The following NFIA variants were observed in gnomAD, a reference collection of about 807,000 sequenced individuals.
NFIA encodes the protein nuclear factor I A.
NFIA carries 8 observed loss-of-function variants against 62.8 expected under a neutral mutation model. The observed-to-expected ratio is 0.13, with a 90% CI of 0.07 to 0.23. The LOEUF is 0.23. Among genes scored for constraint, NFIA ranks in the 10% least tolerant of loss-of-function variants. The pLI is 1.00. For synonymous variants in NFIA, 235 were observed against 238.1 expected, an observed-to-expected ratio of 0.99 and a Z score of 0.12; for missense variants, 410 against 642.1, an observed-to-expected ratio of 0.64 and a Z score of 3.91.
At chr1:61,396,236 GT>G (rs1367521387) in intron 7 of NFIA, among the ~76,000 whole-genome samples, 2 of 152,032 alleles carry the variant, frequency 1.3e-5, no homozygotes, top group Non-Finnish European at 2.9e-5. Flanking sequence ...TTTTGTTACT[GT>G]TTTTTTGTTT....
In NFIA at chr1:61,186,288, C is replaced by CTCACTATCTCA. The variant is rs112297509; in HGVS notation, c.560-91230_560-91229insACTATCTCATC. On this transcript the variant is annotated intron_variant, in intron 2 of 10. Transcript: ENST00000403491. ...CGCAGGTGGTTCAGCCACTCAGAAC[C>CTCACTATCTCA]TCTGTAAAAGTGAGATGTAAAAACA... Among the ~76,000 whole-genome samples, 24 of 152,122 alleles carry CTCACTATCTCA rather than the reference C, an allele frequency of 1.6e-4. 3 individuals are homozygous for CTCACTATCTCA. In the East Asian group the frequency reaches 4.3e-3, roughly 27 times the overall value.
chr1:61,306,269 C>CTTTTTTTTTTTTTTTTTTTTTTTT lies in NFIA; in HGVS notation c.626-26241_626-26218dup, dbSNP rs774297484. 3.3e-5 allele frequency among the ~76,000 whole-genome samples: 2 copies of CTTTTTTTTTTTTTTTTTTTTTTTT among 60,614 alleles called. 1 individual carries two copies. Among genetic ancestry groups the CTTTTTTTTTTTTTTTTTTTTTTTT allele is most frequent in the African/African-American group, 1.5e-4 (2 of 12,930 alleles). 39.8% of individuals were successfully genotyped at this position (60,614 alleles called of 152,430 possible). On this transcript the variant is annotated intron_variant, in intron 3 of 10. Transcript: ENST00000403491. ...TCATCCTGGAGACCCAGATTTTGTTCTTTTTTTTTTTTTTTTTTTTTTTTT... is the reference window on the plus strand; with the variant it reads ...TCATCCTGGAGACCCAGATTTTGTTCTTTTTTTTTTTTTTTTTTTTTTTTTTTTTTTTTTTTTTTTTTTTTTTTT...
intron 2 of NFIA, among the ~76,000 whole-genome samples, chr1:61,112,302 CT>C (rs2100455064): frequency 6.6e-6 from 1 of 152,122 alleles, no homozygotes; most frequent in South Asian, 2.1e-4. Context: ...ACACACAACA[CT>C]TTGGTTCCTA....
chr1:61,147,162 T>G (rs1317621861), intron 2 of NFIA, among the ~76,000 whole-genome samples: 2 of 152,140 alleles, frequency 1.3e-5, no homozygotes, highest in Non-Finnish European at 2.9e-5. Context: ...AATCTTTTTT[T>G]TTTTTTGAGA....
At chr1:61,300,287 ATCT>A (rs1267202575) in intron 3 of NFIA, among the ~76,000 whole-genome samples, 1 of 152,116 alleles carries the variant, frequency 6.6e-6, no homozygotes, top group Non-Finnish European at 1.5e-5. Context: ...TACCTGACAG[ATCT>A]TCTAAGTATA....
At chr1:61,441,331 G>GTCTGTCTGTC (rs3076171) in intron 10 of NFIA, among the ~76,000 whole-genome samples, 3 of 142,346 alleles carry the variant, frequency 2.1e-5, no homozygotes, top group African/African-American at 8.2e-5. Flanking sequence ...GTGTGTGTGT[G>GTCTGTCTGTC]TGTCTGTCTG....
At chr1:61,312,488 A>C (rs1243642785) in intron 3 of NFIA, among the ~76,000 whole-genome samples, 5 of 151,698 alleles carry the variant, frequency 3.3e-5, no homozygotes. Flanking sequence ...CAATGTTGTG[A>C]CTTGGAAAAA....
intron 2 of NFIA, among the ~76,000 whole-genome samples, chr1:61,246,716 CTT>C (rs1655672208): frequency 1.3e-5 from 2 of 152,134 alleles, no homozygotes; most frequent in African/African-American, 4.8e-5. Context: ...GCTAATATCT[CTT>C]ATTAATTATT....
At chr1:61,395,362 A>G (rs974183355) in intron 7 of NFIA, among the ~76,000 whole-genome samples, 3 of 151,132 alleles carry the variant, frequency 2.0e-5, no homozygotes, top group African/African-American at 7.3e-5. Flanking sequence ...CGCAAGAAGC[A>G]TCTGCATGGA....
At chr1:61,317,020 TA>T (rs1208596152) in intron 3 of NFIA, among the ~76,000 whole-genome samples, 1 of 152,104 alleles carries the variant, frequency 6.6e-6, no homozygotes, top group African/African-American at 2.4e-5. Context: ...CTTTCACATC[TA>T]AAAAAATTTA....
intron 3 of NFIA, among the ~76,000 whole-genome samples, chr1:61,321,937 T>A (rs1444124997): frequency 6.6e-6 from 1 of 152,174 alleles, no homozygotes; most frequent in Admixed American, 6.5e-5. Flanking sequence ...ATGCTACCCT[T>A]CCTTTATTAA....
At chr1:61,205,410 T>TG (rs1393225688) in intron 2 of NFIA, among the ~76,000 whole-genome samples, 1 of 152,184 alleles carries the variant, frequency 6.6e-6, no homozygotes, top group Admixed American at 6.5e-5. Flanking sequence ...CTCTCAGAGA[T>TG]GGGGCTTTCT....
chr1:61,393,231 G>T (rs1569740800), intron 7 of NFIA, among the ~76,000 whole-genome samples: 1 of 25,488 alleles, frequency 3.9e-5, no homozygotes, highest in Non-Finnish European at 5.4e-5. Flanking sequence ...GGTTTCTTCT[G>T]CCTCGCCCTC....
At chr1:61,208,830 CTG>C (rs1248381372) in intron 2 of NFIA, among the ~76,000 whole-genome samples, 1 of 152,004 alleles carries the variant, frequency 6.6e-6, no homozygotes, top group Non-Finnish European at 1.5e-5. Context: ...ATAAACATGT[CTG>C]GAGTCTAAGA....
At chr1:61,294,895 C>T (rs774233209) in intron 3 of NFIA, among the ~76,000 whole-genome samples, 26 of 152,112 alleles carry the variant, frequency 1.7e-4, no homozygotes, top group Non-Finnish European at 2.9e-4. Context: ...CAGTCTATCT[C>T]GATATTCAGT....
At chr1:61,298,095 G>A (rs1659287500) in intron 3 of NFIA, among the ~76,000 whole-genome samples, 1 of 152,172 alleles carries the variant, frequency 6.6e-6, no homozygotes, top group Non-Finnish European at 1.5e-5. Flanking sequence ...GTCGAGGGAG[G>A]AGGGAGCTGT....
At chr1:61,105,865 T>C (rs1216887956) in intron 2 of NFIA, among the ~76,000 whole-genome samples, 1 of 151,880 alleles carries the variant, frequency 6.6e-6, no homozygotes, top group Admixed American at 6.6e-5. Context: ...CAACAGTGGG[T>C]GTGCTGAAAT....
chr1:61,405,879 C>T (rs1319323781), intron 8 of NFIA, among the ~76,000 whole-genome samples: 1 of 152,112 alleles, frequency 6.6e-6, no homozygotes, highest in Non-Finnish European at 1.5e-5. Context: ...ACTCTTATGG[C>T]ATATGCTTAT....
chr1:61,331,420 T>A (rs1300475976), intron 3 of NFIA, among the ~76,000 whole-genome samples: 2 of 152,206 alleles, frequency 1.3e-5, no homozygotes, highest in African/African-American at 4.8e-5. Flanking sequence ...ACAGGTAAAT[T>A]TGCTTTCCCT....
Sources: allele counts gnomAD v4.1 joint callset (sites outside exome capture counted in the v4.1 genomes callset), GRCh38; gene constraint gnomAD v4.1.1; transcripts MANE v1.5; gene names NCBI Gene and HGNC (gene_info 2026-07-23, HGNC 2026-07-21).